Variants in TBX5 observed in about 807,000 individuals in gnomAD.
TBX5 encodes the protein T-box transcription factor TBX5.
A neutral mutation model predicts 51.1 loss-of-function variants in TBX5; 8 were observed. The ratio of observed to expected loss-of-function variants is 0.16; its 90% CI spans 0.09 to 0.28. The LOEUF (loss-of-function observed/expected upper bound fraction) is 0.28. Ranked by LOEUF, TBX5 falls within the 10% of genes least tolerant of loss-of-function variation. The pLI, the probability that TBX5 is intolerant of heterozygous loss-of-function variation, is 1.00. For missense variants in TBX5, 589 were observed against 671.7 expected (o/e 0.88, Z 1.36); for synonymous variants, 302 against 266.4 (o/e 1.13, Z -1.30).
At chr12:114,363,059 A>G (rs975803671) in intron 8 of TBX5, among the ~76,000 whole-genome samples, 42 of 152,202 alleles carry the variant, frequency 2.8e-4, no homozygotes, top group African/African-American at 9.9e-4. Flanking sequence ...TGGCAAGCAC[A>G]TGTTCATTGA....
At chr12:114,396,476 G>A (rs1451246649) in intron 5 of TBX5, among the ~76,000 whole-genome samples, 1 of 152,152 alleles carries the variant, frequency 6.6e-6, no homozygotes, top group Non-Finnish European at 1.5e-5. Flanking sequence ...GGAATGCCTG[G>A]CTTCTAGGCA....
At chr12:114,371,501 G>A (rs1225698231) in intron 7 of TBX5, among the ~76,000 whole-genome samples, 2 of 151,936 alleles carry the variant, frequency 1.3e-5, no homozygotes, top group Non-Finnish European at 2.9e-5. Flanking sequence ...ATGAACACCC[G>A]GGAGAACGTT....
rs143635094 is a variant in TBX5, at chr12:114,365,622, A to T, written c.982+543T>A. Among the ~76,000 whole-genome samples the T allele has an allele frequency of 5.6e-3, 859 of 152,238 alleles. 7 individuals are homozygous for T. Among genetic ancestry groups the T allele is most frequent in the African/African-American group, 0.02 (816 of 41,554 alleles). On this transcript the variant is annotated intron_variant, in intron 8 of 8. Coordinates refer to ENST00000405440, the MANE Select transcript of TBX5 (RefSeq NM_181486.4). ...GGCAGGTGGGTCACTTGAGCCCAGG[A>T]GGTTTAGACAAGCCTGGGCAACACA...
At chr12:114,369,429 G>C (rs1452761418) in intron 7 of TBX5, among the ~76,000 whole-genome samples, 1 of 152,108 alleles carries the variant, frequency 6.6e-6, no homozygotes, top group Non-Finnish European at 1.5e-5. Context: ...CCCCAACACC[G>C]ATCGTGAACA....
At chr12:114,408,200 G>C (rs940986751), upstream of TBX5, 1 of 985,382 alleles carries the variant, frequency 1.0e-6, no homozygotes, top group Non-Finnish European at 1.2e-6. Flanking sequence ...TCAGTGCCGG[G>C]TCTGCGCAGC....
chr12:114,401,285 C>T (rs1871796680), intron 3 of TBX5, among the ~76,000 whole-genome samples: 1 of 152,206 alleles, frequency 6.6e-6, no homozygotes, highest in South Asian at 2.1e-4. Flanking sequence ...AAAGGCTTCG[C>T]CTGCTTTCTA....
At chr12:114,396,675 A>T (rs894025940) in intron 5 of TBX5, among the ~76,000 whole-genome samples, 7 of 152,188 alleles carry the variant, frequency 4.6e-5, no homozygotes, top group African/African-American at 1.7e-4. Flanking sequence ...CCCACTTCCC[A>T]GCGTCAAGGA....
chr12:114,380,452 C>T (rs1475748496), intron 7 of TBX5, among the ~76,000 whole-genome samples: 1 of 152,178 alleles, frequency 6.6e-6, no homozygotes, highest in Non-Finnish European at 1.5e-5. Context: ...TTTAATCAGC[C>T]TTAACTCCCC....
chr12:114,376,610 T>C (rs897351754), intron 7 of TBX5, among the ~76,000 whole-genome samples: 7 of 151,584 alleles, frequency 4.6e-5, no homozygotes, highest in Non-Finnish European at 1.0e-4. Flanking sequence ...AGCACAGTAT[T>C]GTGTACTTAA....
chr12:114,369,345 G>A (rs1869727504), intron 7 of TBX5, among the ~76,000 whole-genome samples: 1 of 152,164 alleles, frequency 6.6e-6, no homozygotes, highest in African/African-American at 2.4e-5. Flanking sequence ...ACACAGAAGT[G>A]GGAAAAGCAA....
At chr12:114,396,663 G>T (rs531984391) in intron 5 of TBX5, among the ~76,000 whole-genome samples, 42 of 152,282 alleles carry the variant, frequency 2.8e-4, no homozygotes, top group African/African-American at 1.0e-3. Context: ...CTGGGGAACC[G>T]TCCCACTTCC....
At chr12:114,394,590 C>T in intron 6 of TBX5, 151 bp downstream of exon 6, 2 of 1,003,610 alleles carry the variant, frequency 2.0e-6, no homozygotes, top group Middle Eastern at 3.1e-4. Context: ...AACTCTTAGG[C>T]TGCAGCTTTG....
chr12:114,400,774 C>A (rs1346248235), intron 3 of TBX5, among the ~76,000 whole-genome samples: 1 of 152,238 alleles, frequency 6.6e-6, no homozygotes, highest in African/African-American at 2.4e-5. Flanking sequence ...TTGATATAAA[C>A]AGAACGCGCC....
Position 114,370,528 on chromosome 12 carries a change from C to T in TBX5, c.756-4137G>A, listed in dbSNP as rs1023713836. Among the ~76,000 whole-genome samples, 9 of 152,180 alleles carry T rather than the reference C, an allele frequency of 5.9e-5. No homozygotes were observed. The South Asian group carries it at 1.2e-3, about 21-fold the overall frequency. On this transcript the variant is annotated intron_variant, in intron 7 of 8. Transcript: ENST00000405440. ...TCTCATAGTTCTGGAGATGTGGGTG[C>T]TAGCATGGTCAGTTTCGGGTGATGC...
intron 3 of TBX5, 151 bp downstream of exon 3, chr12:114,401,675 C>G (rs1871819906): frequency 7.4e-5 from 51 of 685,850 alleles, no homozygotes; most frequent in Non-Finnish European, 8.8e-5. Flanking sequence ...ATCTTTCGCT[C>G]TCTCTCTCCT....
At chr12:114,398,853 C>G (rs751660804) in intron 4 of TBX5, 133 bp from the exon 5 acceptor site, 3 of 1,149,238 alleles carry the variant, frequency 2.6e-6, no homozygotes, top group Non-Finnish European at 3.8e-6. Flanking sequence ...GAGGCTCTCC[C>G]GTCTCCCTTA....
chr12:114,385,128 G>A (rs140148878), intron 7 of TBX5, among the ~76,000 whole-genome samples: 140 of 150,292 alleles, frequency 9.3e-4, no homozygotes, highest in African/African-American at 3.2e-3. Context: ...AGCATTCATC[G>A]GCTGTGACTT....
intron 1 of TBX5, among the ~76,000 whole-genome samples, chr12:114,404,735 C>A (rs1593887803): frequency 6.6e-6 from 1 of 152,028 alleles, no homozygotes. Context: ...TGATGCCGGG[C>A]GGGGGATGGC....
At chr12:114,391,099 T>C (rs1871120668) in intron 6 of TBX5, among the ~76,000 whole-genome samples, 1 of 152,206 alleles carries the variant, frequency 6.6e-6, no homozygotes, top group Non-Finnish European at 1.5e-5. Flanking sequence ...CAGATCATTC[T>C]GAAGGCACTG....
Sources: allele counts gnomAD v4.1 joint callset (sites outside exome capture counted in the v4.1 genomes callset), GRCh38; gene constraint gnomAD v4.1.1; transcripts MANE v1.5; gene names NCBI Gene and HGNC (gene_info 2026-07-23, HGNC 2026-07-21).